Variants in PPP1R13B observed in about 807,000 individuals in gnomAD.
PPP1R13B encodes the protein protein phosphatase 1 regulatory subunit 13B, also known as apoptosis-stimulating of p53 protein 1.
Under a neutral mutation model 119.8 loss-of-function variants are expected in PPP1R13B, and 44 were observed. The ratio of observed to expected loss-of-function variants is 0.37; its 90% CI spans 0.29 to 0.47. The LOEUF is 0.47. Ranked by LOEUF, PPP1R13B falls within the 20% of genes least tolerant of loss-of-function variation. PPP1R13B has a pLI of 0.99. For missense variants in PPP1R13B, 1,227 were observed against 1,413.5 expected, an observed-to-expected ratio of 0.87 and a Z score of 2.12; for synonymous variants, 542 against 561.5, an observed-to-expected ratio of 0.97 and a Z score of 0.49.
chr14:103,815,239 G>A (rs770212639), intron 1 of PPP1R13B, among the ~76,000 whole-genome samples: 7 of 152,272 alleles, frequency 4.6e-5, no homozygotes, highest in South Asian at 2.1e-4. Flanking sequence ...GCAAATCCAC[G>A]GAGAGATAAA....
intron 1 of PPP1R13B, among the ~76,000 whole-genome samples, chr14:103,798,695 C>G (rs902555482): frequency 6.6e-6 from 1 of 151,998 alleles, no homozygotes; most frequent in Non-Finnish European, 1.5e-5. Context: ...TAAAAATCGT[C>G]TAGCCTTACT....
At chr14:103,842,986 A>C (rs1384495679) in intron 1 of PPP1R13B, among the ~76,000 whole-genome samples, 1 of 152,030 alleles carries the variant, frequency 6.6e-6, no homozygotes, top group African/African-American at 2.4e-5. Context: ...GAAAACAAAC[A>C]AAAAAAGTAT....
intron 8 of PPP1R13B, among the ~76,000 whole-genome samples, chr14:103,749,484 G>A (rs751819034): frequency 1.3e-5 from 2 of 152,188 alleles, no homozygotes; most frequent in African/African-American, 4.8e-5. Flanking sequence ...AGTGCGGACC[G>A]TGACAGATGC....
intron 16 of PPP1R13B, among the ~76,000 whole-genome samples, chr14:103,735,536 C>T (rs1252870546): frequency 6.6e-6 from 1 of 152,200 alleles, no homozygotes; most frequent in Admixed American, 6.5e-5. Flanking sequence ...CAACAGCAAG[C>T]CCCTGGCAGC....
At chr14:103,747,006 G>A (rs2084401821) in intron 8 of PPP1R13B, 1 of 153,534 alleles carries the variant, frequency 6.5e-6, no homozygotes, top group Non-Finnish European at 1.5e-5. Context: ...GGCTGTAGCC[G>A]GTACTGTCTA....
chr14:103,803,547 G>A (rs1411438597), intron 1 of PPP1R13B, among the ~76,000 whole-genome samples: 1 of 152,118 alleles, frequency 6.6e-6, no homozygotes, highest in Non-Finnish European at 1.5e-5. Flanking sequence ...GGAGGCTGAG[G>A]CAGGAGAATG....
chr14:103,821,768 AAAAT>A (rs908900394), intron 1 of PPP1R13B, among the ~76,000 whole-genome samples: 27 of 151,976 alleles, frequency 1.8e-4, no homozygotes, highest in Non-Finnish European at 2.2e-4. Context: ...ATAAATAAAT[AAAAT>A]AAATAAATAA....
At chr14:103,775,784 G>C (rs533704873) in intron 4 of PPP1R13B, among the ~76,000 whole-genome samples, 73 of 152,268 alleles carry the variant, frequency 4.8e-4, no homozygotes, top group African/African-American at 1.7e-3. Context: ...TCCTGAAGCA[G>C]ATCCGCCTGG....
chr14:103,817,161 C>T (rs2086300174), intron 1 of PPP1R13B, among the ~76,000 whole-genome samples: 1 of 152,050 alleles, frequency 6.6e-6, no homozygotes, highest in Non-Finnish European at 1.5e-5. Context: ...CTTAGATGTC[C>T]CTCAGGCCTT....
intron 1 of PPP1R13B, among the ~76,000 whole-genome samples, chr14:103,824,039 CTTTTTTT>C (rs35194586): frequency 2.7e-5 from 2 of 75,142 alleles, no homozygotes; most frequent in South Asian, 5.3e-4. Context: ...CTACCTCATC[CTTTTTTT>C]TTTTTTTTTT....
intron 2 of PPP1R13B, among the ~76,000 whole-genome samples, chr14:103,789,232 TG>T (rs1223415048): frequency 1.3e-5 from 2 of 151,548 alleles, no homozygotes; most frequent in African/African-American, 4.8e-5. Context: ...ATTTTTTTTT[TG>T]GGGGGGATGG....
At position 103,737,957 on chromosome 14, in the gene PPP1R13B, G is replaced by A. The variant is rs148477126; in HGVS notation, c.2865-97C>T. ...CCCTCTAAGGAATCTCGCGGAAGGC[G>A]TTCACCTTTGTGCCATCAAGTCTCA... is the stretch of plus-strand genomic sequence containing the variant. On this transcript the variant is annotated intron_variant, in intron 14 of 16. Coordinates refer to ENST00000202556, the MANE Select transcript of PPP1R13B (RefSeq NM_015316.3). 2.2e-4 allele frequency: 291 copies of A among 1,330,876 alleles called. 3 individuals are homozygous for A. Among genetic ancestry groups the A allele is most frequent in the South Asian group, 2.0e-3 (131 of 66,116 alleles). 82.4% of individuals were successfully genotyped at this position (1,330,876 alleles called of 1,614,324 possible).
chr14:103,746,625 C>T, intron 8 of PPP1R13B, 72 bp from the exon 9 acceptor site: 1 of 1,305,778 alleles, frequency 7.7e-7, no homozygotes, highest in Non-Finnish European at 1.0e-6. Context: ...GTGCAAGAGA[C>T]TGCCAGCTCG....
At chr14:103,790,743 G>A (rs1457812325) in intron 2 of PPP1R13B, among the ~76,000 whole-genome samples, 3 of 152,208 alleles carry the variant, frequency 2.0e-5, no homozygotes, top group Admixed American at 6.5e-5. Flanking sequence ...GGTGGCTCAC[G>A]CCTGTGATCC....
intron 7 of PPP1R13B, among the ~76,000 whole-genome samples, chr14:103,752,173 A>G (rs1164045860): frequency 1.3e-5 from 2 of 152,202 alleles, no homozygotes; most frequent in African/African-American, 4.8e-5. Context: ...CCAAAATCCA[A>G]AATGCTCCAA....
At chr14:103,778,263 CTTTTTTTT>C (rs34674155) in intron 4 of PPP1R13B, among the ~76,000 whole-genome samples, 1 of 99,502 alleles carries the variant, frequency 1.0e-5, no homozygotes, top group Non-Finnish European at 1.9e-5. Context: ...CCACATCTGA[CTTTTTTTT>C]TTTTTTTTTT....
chr14:103,848,608 G>A, upstream of PPP1R13B: 2 of 608,400 alleles, frequency 3.3e-6, no homozygotes, highest in Non-Finnish European at 4.1e-6. Flanking sequence ...CACAGAAGGC[G>A]TAAGCCGCCC....
At chr14:103,838,233 C>CACACACA (rs1186674577) in intron 1 of PPP1R13B, among the ~76,000 whole-genome samples, 3 of 150,120 alleles carry the variant, frequency 2.0e-5, no homozygotes, top group African/African-American at 7.3e-5. Context: ...CACACACACA[C>CACACACA]ACACAGACAC....
At chr14:103,748,350 TGA>T (rs1460135969) in intron 8 of PPP1R13B, among the ~76,000 whole-genome samples, 4 of 152,310 alleles carry the variant, frequency 2.6e-5, no homozygotes, top group African/African-American at 7.2e-5. Flanking sequence ...GATTTGTAAA[TGA>T]GAGACTGTGA....
Sources: allele counts gnomAD v4.1 joint callset (sites outside exome capture counted in the v4.1 genomes callset), GRCh38; gene constraint gnomAD v4.1.1; transcripts MANE v1.5; gene names NCBI Gene and HGNC (gene_info 2026-07-23, HGNC 2026-07-21).